Variants in F8 observed in about 807,000 individuals in gnomAD.
The protein encoded by F8 is antihemophilic factor.
In F8, 12 loss-of-function variants were observed where a neutral mutation model predicts 140.6. That is an observed-to-expected ratio of 0.09 (90% CI 0.05 to 0.14). The LOEUF (loss-of-function observed/expected upper bound fraction) is 0.14. Ranked by LOEUF, F8 falls within the 10% of genes least tolerant of loss-of-function variation. The pLI is 1.00. For synonymous variants in F8, 585 were observed against 614.6 expected (o/e 0.95, Z 0.71); for missense variants, 1,354 against 1,720.7 (o/e 0.79, Z 3.77).
rs1163826446 is a variant in F8, at chrX:154,943,435, A to G, written c.2113+4263T>C. On this transcript the variant is annotated intron_variant, in intron 13 of 25. Transcript: ENST00000360256. ...CATTCACAATTGCTTCAAAGAGAAT[A>G]AAATACCTAGGAATACAACTTACAA... Among the ~76,000 whole-genome samples the G allele has an allele frequency of 1.4e-4, 16 of 111,980 alleles. No individual in the cohort carries two copies. In the Admixed American group the frequency reaches 1.5e-3, roughly 11 times the overall value.
chrX:154,994,248 A>G (rs1557284909), intron 3 of F8, among the ~76,000 whole-genome samples: 1 of 112,357 alleles, frequency 8.9e-6, no homozygotes, highest in East Asian at 2.8e-4. Context: ...ACTTTTTATG[A>G]TGATGCATTT....
intron 10 of F8, among the ~76,000 whole-genome samples, chrX:154,958,311 T>C (rs2073375780): frequency 8.9e-6 from 1 of 112,070 alleles, no homozygotes; most frequent in African/African-American, 3.2e-5. Flanking sequence ...TTGGGTAGAA[T>C]ATCTTCAAAA....
chrX:154,854,760 G>A (rs1328454303), intron 25 of F8, among the ~76,000 whole-genome samples: 1 of 111,848 alleles, frequency 8.9e-6, no homozygotes, highest in Non-Finnish European at 1.9e-5. Context: ...AATTGGTTCT[G>A]TAACCTGATG....
chrX:154,879,007 A>T (rs1387745417), intron 22 of F8, among the ~76,000 whole-genome samples: 1 of 112,341 alleles, frequency 8.9e-6, no homozygotes, highest in Non-Finnish European at 1.9e-5. Context: ...AAGAAGTGAA[A>T]ATATATCCTG....
At chrX:154,982,460 A>G (rs200568237) in intron 6 of F8, among the ~76,000 whole-genome samples, 1 of 95,166 alleles carries the variant, frequency 1.1e-5, no homozygotes, top group East Asian at 3.3e-4. Flanking sequence ...AAAAAAAAAA[A>G]AAAAATATAT....
intron 1 of F8, among the ~76,000 whole-genome samples, chrX:155,011,983 C>G (rs2073708068): frequency 9.0e-6 from 1 of 111,615 alleles, no homozygotes; most frequent in Admixed American, 9.5e-5. Context: ...TTGCCAGGGG[C>G]TGGGGAAAGG....
chrX:154,838,944 C>A (rs1309425211), intron 25 of F8, among the ~76,000 whole-genome samples: 2 of 82,902 alleles, frequency 2.4e-5, no homozygotes, highest in Non-Finnish European at 4.6e-5. Context: ...CCCCCACCCC[C>A]CCAAGAGATG....
intron 22 of F8, among the ~76,000 whole-genome samples, chrX:154,893,632 G>C (rs1260260511): frequency 5.4e-5 from 6 of 111,019 alleles, no homozygotes; most frequent in African/African-American, 2.0e-4. Flanking sequence ...CTATCTAAGG[G>C]GTCTGGGGAG....
intron 22 of F8, among the ~76,000 whole-genome samples, chrX:154,870,778 G>C (rs1418795298): frequency 9.0e-6 from 1 of 111,545 alleles, no homozygotes; most frequent in African/African-American, 3.3e-5. Flanking sequence ...CAGATGACAT[G>C]ATTGTATATT....
At chrX:154,920,330 C>T (rs1374507855) in intron 14 of F8, 2 of 110,346 alleles carry the variant, frequency 1.8e-5, no homozygotes, top group East Asian at 5.6e-4. Context: ...TGTGTATCTA[C>T]TATAGGCTTT....
chrX:154,931,405 T>C lies in F8; in HGVS notation c.2385A>G (p.Arg795=), dbSNP rs144831253. The stretch of plus-strand genomic sequence containing the variant: ...CATTTTGTATTTTAGGCATAGGTGT[T>C]CTGTGTGCAAACCAAGGGTCAGTCT... The part of the protein sequence containing the change: ...IEKTDPWFAH[R]TPMPKIQNVS... Residue 795 remains arginine, a synonymous_variant, in exon 14 of 26, where the codon AGA becomes AGG. Transcript: ENST00000360256. The C allele has an allele frequency of 1.4e-5, 17 of 1,209,634 alleles. No individual in the cohort carries two copies. The African/African-American group carries it at 3.0e-4, about 21-fold the overall frequency.
chrX:155,022,080 G>A (rs2073762782), intron 1 of F8, among the ~76,000 whole-genome samples: 1 of 111,633 alleles, frequency 9.0e-6, no homozygotes, highest in South Asian at 3.7e-4. Flanking sequence ...TTCTCTCTAT[G>A]GAAGCTTGGG....
chrX:154,974,913 T>A (rs1456476441), intron 6 of F8, among the ~76,000 whole-genome samples: 1 of 112,102 alleles, frequency 8.9e-6, no homozygotes, highest in Non-Finnish European at 1.9e-5. Context: ...TCTTTGTATT[T>A]CTGTGTTATC....
At chrX:154,906,314 A>C in intron 15 of F8, 106 bp downstream of exon 15, 2 of 710,692 alleles carry the variant, frequency 2.8e-6, no homozygotes, top group Non-Finnish European at 4.0e-6. Context: ...TTATGGAATT[A>C]TTTTTCTATA....
intron 6 of F8, among the ~76,000 whole-genome samples, chrX:154,978,755 G>T (rs1184708925): frequency 3.6e-5 from 4 of 110,427 alleles, no homozygotes; most frequent in Admixed American, 9.6e-5. Context: ...TTGTAGGAAA[G>T]AACTTTTTCC....
intron 4 of F8, among the ~76,000 whole-genome samples, chrX:154,988,571 T>C (rs2073571348): frequency 8.9e-6 from 1 of 112,064 alleles, no homozygotes; most frequent in Non-Finnish European, 1.9e-5. Flanking sequence ...ATCTTTGCTG[T>C]CCCTTGTGAT....
chrX:154,906,288 A>G, intron 15 of F8, 132 bp downstream of exon 15: 1 of 535,281 alleles, frequency 1.9e-6, no homozygotes, highest in Non-Finnish European at 2.8e-6. Flanking sequence ...GAAAAATAGA[A>G]CGTACACAAA....
rs137852393 is a variant in F8, at chrX:154,993,044, G to A, written c.493C>T (p.Pro165Ser). The A allele has an allele frequency of 8.3e-7, 1 of 1,211,458 alleles. No homozygotes were observed. Among genetic ancestry groups the A allele is most frequent in the Admixed American group, 2.2e-5 (1 of 46,073 alleles). Residue 165 changes from proline (P) to serine (S), a missense_variant, in exon 4 of 26, where the codon CCA becomes TCA. Pro to Ser is a moderately conservative substitution (Grantham distance 74). Around this residue, in one of 4 missense-constraint regions of F8, gnomAD observed 128 missense variants for 230.4 expected, o/e 0.56. Coordinates refer to ENST00000360256, the MANE Select transcript of F8 (RefSeq NM_000132.4). ...AGGCACAGTGGGTCAGAGGCCATTGGACCATTCTCTTTCAGGACCTGCCAG... is the reference window on the plus strand; with the variant it reads ...AGGCACAGTGGGTCAGAGGCCATTGAACCATTCTCTTTCAGGACCTGCCAG... ...YVWQVLKENG[P>S]MASDPLCLTY... is the part of the protein sequence containing the mutation.
intron 11 of F8, among the ~76,000 whole-genome samples, chrX:154,955,136 C>G (rs1208236463): frequency 1.1e-5 from 1 of 90,329 alleles, no homozygotes; most frequent in Non-Finnish European, 2.2e-5. Context: ...ATATCTTTCC[C>G]TATGTTTTGC....
Sources: allele counts gnomAD v4.1 joint callset (sites outside exome capture counted in the v4.1 genomes callset), GRCh38; gene constraint gnomAD v4.1.1; regional missense constraint gnomAD v4.1.1; transcripts MANE v1.5; gene names NCBI Gene and HGNC (gene_info 2026-07-23, HGNC 2026-07-21).